FBXL17: variants seen among roughly 807,000 people sequenced by gnomAD.
The protein encoded by FBXL17 is F-box and leucine rich repeat protein 17, also known as F-box/LRR-repeat protein 17.
FBXL17 carries 22 observed loss-of-function variants against 66.2 expected under a neutral mutation model. The observed-to-expected ratio is 0.33, with a 90% CI of 0.24 to 0.47. The LOEUF (loss-of-function observed/expected upper bound fraction) is 0.47. Ranked by LOEUF, FBXL17 falls within the 20% of genes least tolerant of loss-of-function variation. The pLI, the probability that FBXL17 is intolerant of heterozygous loss-of-function variation, is 1.00. For synonymous variants in FBXL17, 474 were observed against 400.5 expected (o/e 1.18, Z -2.19); for missense variants, 878 against 948.2 (o/e 0.93, Z 0.97).
intron 4 of FBXL17, among the ~76,000 whole-genome samples, chr5:108,301,152 G>T (rs1445022136): frequency 6.6e-6 from 1 of 151,662 alleles, no homozygotes; most frequent in East Asian, 1.9e-4. Context: ...AACACTCAGA[G>T]ATCTCTGAAT....
chr5:108,190,417 T>A (rs1271790626), intron 5 of FBXL17, among the ~76,000 whole-genome samples: 1 of 152,188 alleles, frequency 6.6e-6, no homozygotes. Flanking sequence ...CAGAGATATC[T>A]AGAAAGTGGG....
chr5:108,296,197 G>A (rs1758343838), intron 4 of FBXL17, among the ~76,000 whole-genome samples: 1 of 151,694 alleles, frequency 6.6e-6, no homozygotes, highest in Admixed American at 6.6e-5. Context: ...AAGAATCAAG[G>A]CTGAATCTCA....
chr5:108,258,044 A>G (rs1756650516), intron 4 of FBXL17, among the ~76,000 whole-genome samples: 1 of 152,132 alleles, frequency 6.6e-6, no homozygotes, highest in African/African-American at 2.4e-5. Context: ...TGATACATAG[A>G]GCATACTATA....
At chr5:108,211,822 G>T (rs1043370132) in intron 5 of FBXL17, among the ~76,000 whole-genome samples, 1 of 152,024 alleles carries the variant, frequency 6.6e-6, no homozygotes, top group Non-Finnish European at 1.5e-5. Flanking sequence ...TGCCCTTCTC[G>T]AGGAGTATCT....
At chr5:108,041,700 G>A (rs1223912112) in intron 6 of FBXL17, among the ~76,000 whole-genome samples, 1 of 152,112 alleles carries the variant, frequency 6.6e-6, no homozygotes, top group Non-Finnish European at 1.5e-5. Flanking sequence ...TTACAGGTGT[G>A]AGCTACTGTA....
At chr5:108,310,362 A>G (rs1024415433) in intron 4 of FBXL17, among the ~76,000 whole-genome samples, 7 of 152,200 alleles carry the variant, frequency 4.6e-5, no homozygotes, top group African/African-American at 1.4e-4. Context: ...CTTGACCTCA[A>G]TTACTACATG....
At chr5:108,138,549 G>C (rs979792024) in intron 6 of FBXL17, among the ~76,000 whole-genome samples, 1 of 152,194 alleles carries the variant, frequency 6.6e-6, no homozygotes, top group African/African-American at 2.4e-5. Context: ...AGGTAAACCA[G>C]AAGATATTGC....
chr5:108,162,388 C>T (rs10071678), intron 6 of FBXL17, among the ~76,000 whole-genome samples: 4,221 of 151,832 alleles, frequency 0.028, 181 homozygotes, highest in African/African-American at 0.096. Context: ...CCCAGCTACT[C>T]GGGAGACTGA....
chr5:108,012,471 ATTG>A (rs1387588575), intron 7 of FBXL17, among the ~76,000 whole-genome samples: 1 of 152,094 alleles, frequency 6.6e-6, no homozygotes, highest in African/African-American at 2.4e-5. Context: ...GCTTTATGAC[ATTG>A]TTTTTTCATA....
rs1257918557 is a variant in FBXL17, at chr5:108,262,108, G to A, written c.1507-37880C>T. ...TTTATTTTTTTTGAGACAGAGTCTC[G>A]CTCTGTCGCCCAGGCTGGAGTGCAG... is the stretch of plus-strand genomic sequence containing the variant. On this transcript the variant is annotated intron_variant, in intron 4 of 8. Coordinates refer to ENST00000542267, the MANE Select transcript of FBXL17 (RefSeq NM_001163315.3). 5.6e-4 allele frequency among the ~76,000 whole-genome samples: 79 copies of A among 142,218 alleles called. 1 individual carries two copies. Among genetic ancestry groups the A allele is most frequent in the African/African-American group, 1.9e-3 (71 of 37,336 alleles). The allele number at this position is 142,218 out of a possible 152,430, so 93.3% of individuals were successfully genotyped here. A position where few individuals can be genotyped will look rare whatever the true frequency, so the allele number is the denominator to read the frequency against.
intron 5 of FBXL17, among the ~76,000 whole-genome samples, chr5:108,218,107 G>A (rs1353425565): frequency 2.1e-5 from 3 of 143,560 alleles, no homozygotes; most frequent in South Asian, 2.3e-4. Context: ...CCGGGTTCAC[G>A]CCATTCTCCT....
In FBXL17 at chr5:108,378,820, G is replaced by A. The variant is rs145825613; in HGVS notation, c.993+1879C>T. Among the ~76,000 whole-genome samples the A allele has an allele frequency of 6.5e-3, 987 of 152,320 alleles. 20 individuals carry two copies. Among genetic ancestry groups the A allele is most frequent in the African/African-American group, 0.023 (946 of 41,556 alleles). On this transcript the variant is annotated intron_variant, in intron 1 of 8. Coordinates refer to ENST00000542267, the MANE Select transcript of FBXL17 (RefSeq NM_001163315.3). ...GAGACAGAGCAATGAACAAGATTACGAATCCAGAGTCGCTGCACCCAAAAA... is the reference window on the plus strand; with the variant it reads ...GAGACAGAGCAATGAACAAGATTACAAATCCAGAGTCGCTGCACCCAAAAA...
chr5:108,145,846 A>G (rs1211167032), intron 6 of FBXL17, among the ~76,000 whole-genome samples: 1 of 150,488 alleles, frequency 6.6e-6, no homozygotes, highest in Admixed American at 6.6e-5. Context: ...TAATAATAAT[A>G]ATAATTCATT....
At chr5:108,167,130 T>C (rs1246669765) in intron 6 of FBXL17, among the ~76,000 whole-genome samples, 7 of 152,144 alleles carry the variant, frequency 4.6e-5, no homozygotes, top group African/African-American at 1.7e-4. Flanking sequence ...AAACAGATAG[T>C]ATAATGAGTA....
At chr5:107,988,833 A>G (rs893076731) in intron 7 of FBXL17, among the ~76,000 whole-genome samples, 1 of 152,080 alleles carries the variant, frequency 6.6e-6, no homozygotes, top group Admixed American at 6.5e-5. Flanking sequence ...TTTAACTCCA[A>G]GGCAAAATTT....
chr5:108,362,041 T>C (rs981401594), intron 3 of FBXL17, among the ~76,000 whole-genome samples: 1 of 152,198 alleles, frequency 6.6e-6, no homozygotes, highest in African/African-American at 2.4e-5. Context: ...TATAAACCTT[T>C]GACGTTTCCA....
chr5:108,323,407 CTT>C lies in FBXL17; in HGVS notation c.1506+24990_1506+24991del. 4.0e-5 allele frequency among the ~76,000 whole-genome samples: 6 copies of C among 151,874 alleles called. 1 individual carries two copies. The South Asian group carries it at 1.2e-3, about 32-fold the overall frequency. On this transcript the variant is annotated intron_variant, in intron 4 of 8. Coordinates refer to ENST00000542267, the MANE Select transcript of FBXL17 (RefSeq NM_001163315.3). ...GAATAAACTTAAAGGAGGCAAAAGACTTATACACTGAAAATTACAAAATATCA... is the reference window on the plus strand; with the variant it reads ...GAATAAACTTAAAGGAGGCAAAAGACATACACTGAAAATTACAAAATATCA...
chr5:108,306,906 C>G (rs545124010), intron 4 of FBXL17, among the ~76,000 whole-genome samples: 6 of 152,198 alleles, frequency 3.9e-5, no homozygotes, highest in Admixed American at 2.0e-4. Flanking sequence ...TTACTCCATA[C>G]TATTAAATGT....
chr5:108,001,691 G>A (rs917200378), intron 7 of FBXL17, among the ~76,000 whole-genome samples: 2 of 151,778 alleles, frequency 1.3e-5, no homozygotes, highest in Non-Finnish European at 2.9e-5. Flanking sequence ...TAGTAGAGAC[G>A]GGGTCTCACC....
Sources: allele counts gnomAD v4.1 joint callset (sites outside exome capture counted in the v4.1 genomes callset), GRCh38; gene constraint gnomAD v4.1.1; transcripts MANE v1.5; gene names NCBI Gene and HGNC (gene_info 2026-07-23, HGNC 2026-07-21).